The following SREBF2 variants were observed in gnomAD, a reference collection of about 807,000 sequenced individuals.
The protein encoded by SREBF2 is sterol regulatory element binding transcription factor 2, also known as sterol regulatory element-binding protein 2.
In SREBF2, 55 loss-of-function variants were observed where a neutral mutation model predicts 113.1. The ratio of observed to expected loss-of-function variants is 0.49; its 90% CI spans 0.39 to 0.61. The LOEUF (loss-of-function observed/expected upper bound fraction) is 0.61, where lower values mean the gene tolerates loss of function less well. Ranked by LOEUF, SREBF2 falls within the 20% of genes least tolerant of loss-of-function variation. The probability of loss-of-function intolerance (pLI) is 0.00; values close to 1 mark genes in which losing one functional copy is unlikely to be tolerated. For missense variants in SREBF2, 1,349 were observed against 1,487.4 expected, an observed-to-expected ratio of 0.91 and a Z score of 1.53; for synonymous variants, 593 against 605.7, an observed-to-expected ratio of 0.98 and a Z score of 0.31.
At chr22:41,844,015 CA>C (rs777891538) in intron 1 of SREBF2, among the ~76,000 whole-genome samples, 212 of 93,094 alleles carry the variant, frequency 2.3e-3, no homozygotes, top group South Asian at 2.4e-3. Flanking sequence ...GACCCTGTCT[CA>C]AAAAAAAAAA....
At chr22:41,865,601 C>T (rs1041440199) in intron 1 of SREBF2, among the ~76,000 whole-genome samples, 2 of 152,098 alleles carry the variant, frequency 1.3e-5, no homozygotes. Flanking sequence ...ATTTAAGGGT[C>T]CCAGCTACTT....
intron 11 of SREBF2, among the ~76,000 whole-genome samples, chr22:41,890,384 G>A (rs2077348410): frequency 1.3e-5 from 2 of 152,314 alleles, no homozygotes; most frequent in East Asian, 1.9e-4. Context: ...TGTTTTCCTC[G>A]AAAGTTTAAA....
intron 14 of SREBF2, among the ~76,000 whole-genome samples, chr22:41,897,727 C>T (rs2077429089): frequency 6.6e-6 from 1 of 152,160 alleles, no homozygotes. Context: ...GATGGGGGTA[C>T]CAAGCTACCG....
chr22:41,895,231 C>T (rs1021950530), intron 13 of SREBF2, among the ~76,000 whole-genome samples: 1 of 151,866 alleles, frequency 6.6e-6, no homozygotes, highest in African/African-American at 2.4e-5. Context: ...GCTCTGCCTC[C>T]TGGGTTCACG....
chr22:41,904,606 T>C, intron 17 of SREBF2: 1 of 662,924 alleles, frequency 1.5e-6, no homozygotes, highest in Non-Finnish European at 2.9e-6. Flanking sequence ...TCCAGGGCTT[T>C]CTTGTCACCA....
At chr22:41,847,920 A>AT (rs58300625) in intron 1 of SREBF2, among the ~76,000 whole-genome samples, 72,399 of 137,144 alleles carry the variant, frequency 0.53, 18,741 homozygotes, top group Admixed American at 0.6. Context: ...TATTATTATT[A>AT]TTTTTTTTTT....
At chr22:41,868,508 A>G in intron 2 of SREBF2, 103 bp from the exon 3 acceptor site, 1 of 1,300,190 alleles carries the variant, frequency 7.7e-7, no homozygotes, top group Non-Finnish European at 1.1e-6. Flanking sequence ...GTAGGTGGGG[A>G]GTTGGAATCA....
chr22:41,866,969 G>A lies in SREBF2; in HGVS notation c.227G>A (p.Gly76Asp), dbSNP rs750971461. The A allele has an allele frequency of 1.9e-6, 3 of 1,613,994 alleles. No individual in the cohort carries two copies. The highest frequency in any genetic ancestry group is 2.7e-5 in the African/African-American group (2 of 74,912). ...GGCAGCAGCAGCAGCAGCAGCAATG[G>A]CAGGGGCAGCAGCAGCGGAGCTGTG... ...SSGSSSSSSN[G>D]RGSSSGAVDP... Residue 76 changes from glycine to aspartate, a missense_variant, in exon 2 of 19, where the codon GGC (glycine) becomes GAC (aspartate). Transcript: ENST00000361204.
At chr22:41,836,885 G>T (rs1407613484) in intron 1 of SREBF2, among the ~76,000 whole-genome samples, 2 of 152,134 alleles carry the variant, frequency 1.3e-5, no homozygotes, top group East Asian at 3.9e-4. Flanking sequence ...GTGCAGGCAG[G>T]CAAGGATCCA....
At chr22:41,871,300 A>C (rs902711712) in intron 4 of SREBF2, among the ~76,000 whole-genome samples, 1 of 152,186 alleles carries the variant, frequency 6.6e-6, no homozygotes. Flanking sequence ...ATAGCTCCAC[A>C]CAAGACCATT....
At chr22:41,896,088 C>T (rs2077413956) in intron 13 of SREBF2, among the ~76,000 whole-genome samples, 1 of 151,490 alleles carries the variant, frequency 6.6e-6, no homozygotes, top group Non-Finnish European at 1.5e-5. Flanking sequence ...TTGCAGTGAG[C>T]CAAGATTGCG....
Position 41,877,943 on chromosome 22 carries a change from T to A in SREBF2, c.1581T>A (p.Gly527=). The A allele has an allele frequency of 6.2e-7, 1 of 1,614,106 alleles. No homozygotes were observed. Among genetic ancestry groups the A allele is most frequent in the East Asian group, 2.2e-5 (1 of 44,876 alleles). Residue 527 remains glycine (G), a splice_region_variant and synonymous_variant, in exon 9 of 19, where the codon GGT becomes GGA. Transcript: ENST00000361204. ...CTCTGCTGAGACGCTCCTTCTTAGG[T>A]TCTGGGGGCTGGTTTGACTGGATGA... The part of the protein sequence containing the change: ...SGRSVLSFES[G]SGGWFDWMMP...
At chr22:41,893,621 C>G (rs1451304534) in intron 12 of SREBF2, among the ~76,000 whole-genome samples, 1 of 152,154 alleles carries the variant, frequency 6.6e-6, no homozygotes, top group African/African-American at 2.4e-5. Context: ...ACTTTGGAGA[C>G]ACAAAGGATG....
Position 41,875,657 on chromosome 22 carries a change from C to A in SREBF2, c.1319C>A (p.Ser440Tyr). ...TCCCCCCCAGCCTCTGACTCAGGGT[C>A]CCAGGCTGGCTTCTCTCCCTACTCC... ...LMSPPASDSG[S>Y]QAGFSPYSID... The change falls in exon 7 of 19, where the codon TCC (serine) becomes TAC (tyrosine). Residue 440 changes from serine (S) to tyrosine (Y), a missense_variant. By Grantham distance (144) the Ser-to-Tyr change is moderately radical (BLOSUM62 -2). Transcript: ENST00000361204. The A allele has an allele frequency of 6.2e-7, 1 of 1,614,196 alleles. No homozygotes were observed. Among genetic ancestry groups the A allele is most frequent in the East Asian group, 2.2e-5 (1 of 44,890 alleles).
At chr22:41,853,335 C>G (rs1282708368) in intron 1 of SREBF2, among the ~76,000 whole-genome samples, 1 of 152,184 alleles carries the variant, frequency 6.6e-6, no homozygotes, top group Non-Finnish European at 1.5e-5. Flanking sequence ...GTCTCCCTGC[C>G]TTGGCTCTTG....
intron 10 of SREBF2, among the ~76,000 whole-genome samples, chr22:41,884,086 G>A (rs1044535714): frequency 1.3e-5 from 2 of 152,086 alleles, no homozygotes; most frequent in Non-Finnish European, 2.9e-5. Context: ...CTCAGTTTAC[G>A]TCACTTCCCC....
chr22:41,863,136 C>T (rs986202214), intron 1 of SREBF2, among the ~76,000 whole-genome samples: 4 of 152,202 alleles, frequency 2.6e-5, no homozygotes, highest in Admixed American at 6.5e-5. Flanking sequence ...CCAAGCACTT[C>T]GGATAAATTA....
At chr22:41,893,496 G>C (rs4822066) in intron 12 of SREBF2, among the ~76,000 whole-genome samples, 2 of 152,040 alleles carry the variant, frequency 1.3e-5, no homozygotes, top group African/African-American at 2.4e-5. Context: ...ATTGTCAGTG[G>C]CTAAGCTGGG....
chr22:41,851,546 T>C (rs191045277), intron 1 of SREBF2, among the ~76,000 whole-genome samples: 4 of 152,062 alleles, frequency 2.6e-5, no homozygotes, highest in Admixed American at 1.3e-4. Flanking sequence ...CAGTCTGGAG[T>C]GCAATGGCGC....
Sources: allele counts gnomAD v4.1 joint callset (sites outside exome capture counted in the v4.1 genomes callset), GRCh38; gene constraint gnomAD v4.1.1; transcripts MANE v1.5; gene names NCBI Gene and HGNC (gene_info 2026-07-23, HGNC 2026-07-21).